CACNA2D1: variants seen among roughly 807,000 people sequenced by gnomAD.
CACNA2D1 encodes the protein voltage-dependent calcium channel subunit alpha-2/delta-1.
Under a neutral mutation model 171.5 loss-of-function variants are expected in CACNA2D1, and 53 were observed. That is an observed-to-expected ratio of 0.31 (90% CI 0.25 to 0.39). The LOEUF (loss-of-function observed/expected upper bound fraction) is 0.39. CACNA2D1 is among the 10% of genes least tolerant of loss of function. The pLI, the probability that CACNA2D1 is intolerant of heterozygous loss-of-function variation, is 1.00. For missense variants in CACNA2D1, 903 were observed against 1,299.8 expected (o/e 0.69, Z 4.69); for synonymous variants, 442 against 443.1 (o/e 1.00, Z 0.03).
At chr7:81,990,942 T>C (rs1051798535) in intron 21 of CACNA2D1, among the ~76,000 whole-genome samples, 2 of 152,202 alleles carry the variant, frequency 1.3e-5, no homozygotes, top group African/African-American at 4.8e-5. Context: ...TATGGGTATT[T>C]GTCAACATTT....
intron 10 of CACNA2D1, among the ~76,000 whole-genome samples, chr7:82,052,312 T>A (rs1805282847): frequency 6.6e-6 from 1 of 152,202 alleles, no homozygotes; most frequent in African/African-American, 2.4e-5. Flanking sequence ...ATTGTTGCTT[T>A]CCTGGACTTT....
At chr7:82,366,903 C>CTTTTTT (rs71093376) in intron 1 of CACNA2D1, among the ~76,000 whole-genome samples, 22 of 86,964 alleles carry the variant, frequency 2.5e-4, no homozygotes, top group Admixed American at 6.4e-4. Context: ...TGGTTTTGAC[C>CTTTTTT]TTTTTTTTTT....
intron 1 of CACNA2D1, among the ~76,000 whole-genome samples, chr7:82,395,030 G>A (rs765376878): frequency 4.6e-5 from 7 of 152,032 alleles, no homozygotes; most frequent in Middle Eastern, 3.2e-3. Flanking sequence ...TTTGTTAGTT[G>A]CTACTATCTC....
intron 3 of CACNA2D1, among the ~76,000 whole-genome samples, chr7:82,206,990 A>G (rs1800064065): frequency 6.6e-6 from 1 of 152,236 alleles, no homozygotes. Flanking sequence ...AAACATAGTT[A>G]TAAAATTGCA....
chr7:82,410,528 T>C, intron 1 of CACNA2D1: 2 of 985,388 alleles, frequency 2.0e-6, no homozygotes, highest in Non-Finnish European at 2.4e-6. Context: ...GGTCTGAAGG[T>C]GCACGCTACA....
At chr7:82,211,240 T>C (rs747584139) in intron 3 of CACNA2D1, among the ~76,000 whole-genome samples, 3 of 152,124 alleles carry the variant, frequency 2.0e-5, no homozygotes, top group Non-Finnish European at 4.4e-5. Flanking sequence ...CAGGGGCACA[T>C]GTGCAGGTTT....
chr7:82,120,088 A>G (rs1563077426), intron 5 of CACNA2D1, among the ~76,000 whole-genome samples: 1 of 152,126 alleles, frequency 6.6e-6, no homozygotes, highest in Non-Finnish European at 1.5e-5. Flanking sequence ...GGAGGCTGAG[A>G]CATGAGGGCC....
At chr7:82,194,248 AAG>A (rs1391439065) in intron 3 of CACNA2D1, among the ~76,000 whole-genome samples, 1 of 151,944 alleles carries the variant, frequency 6.6e-6, no homozygotes, top group Non-Finnish European at 1.5e-5. Flanking sequence ...GTTGGTAGTC[AAG>A]CTATGGCTCA....
chr7:82,137,885 C>A (rs1247460082), intron 4 of CACNA2D1, among the ~76,000 whole-genome samples: 2 of 151,784 alleles, frequency 1.3e-5, no homozygotes, highest in African/African-American at 4.8e-5. Flanking sequence ...TAAAAGCAAA[C>A]ATATAATACA....
intron 34 of CACNA2D1, 105 bp from the exon 35 acceptor site, chr7:81,962,600 A>T: frequency 1.4e-6 from 1 of 739,670 alleles, no homozygotes; most frequent in South Asian, 1.6e-5. Context: ...TTGGGAAAGA[A>T]AGTCTTGGAG....
intron 3 of CACNA2D1, among the ~76,000 whole-genome samples, chr7:82,287,521 C>T (rs954805052): frequency 6.6e-6 from 1 of 152,080 alleles, no homozygotes; most frequent in African/African-American, 2.4e-5. Context: ...TGCTTCACTG[C>T]ACTGTTTTTT....
rs369535116 is a variant in CACNA2D1 at position 82,167,168 on chromosome 7, T to C, written c.354+3382A>G. ...AGAAATATTGCACAGATGCACATTG[T>C]TAAATACCTTAAAAGATAAAAGAAT... On this transcript the variant is annotated intron_variant, in intron 4 of 38. Transcript: ENST00000356860. 5.3e-5 allele frequency among the ~76,000 whole-genome samples: 8 copies of C among 152,232 alleles called. No individual in the cohort carries two copies. The East Asian group carries it at 9.7e-4, about 18-fold the overall frequency.
chr7:82,206,778 G>A (rs1192080481), intron 3 of CACNA2D1, among the ~76,000 whole-genome samples: 3 of 151,976 alleles, frequency 2.0e-5, no homozygotes, highest in Non-Finnish European at 4.4e-5. Context: ...CAACTAACAG[G>A]ATATACAGTG....
rs552649221 is a variant in CACNA2D1 at position 82,153,343 on chromosome 7, A to G, written c.355-16667T>C. Among the ~76,000 whole-genome samples, 6 of 152,174 alleles carry G rather than the reference A, an allele frequency of 3.9e-5. No homozygotes were observed. The South Asian group carries it at 1.2e-3, about 32-fold the overall frequency. On this transcript the variant is annotated intron_variant, in intron 4 of 38. Coordinates refer to ENST00000356860, the MANE Select transcript of CACNA2D1 (RefSeq NM_000722.4). Reference sequence around the variant, plus strand: ...AGCAAACTAGTTATATATAAACAAAACAGGAAACTTGAAAGAACTAGGTGG... The same window carrying G: ...AGCAAACTAGTTATATATAAACAAAGCAGGAAACTTGAAAGAACTAGGTGG...
chr7:82,070,274 T>C (rs1398985013), intron 7 of CACNA2D1, among the ~76,000 whole-genome samples: 1 of 152,208 alleles, frequency 6.6e-6, no homozygotes, highest in African/African-American at 2.4e-5. Flanking sequence ...AGCTGGCCTT[T>C]TCAGATTTTG....
intron 12 of CACNA2D1, among the ~76,000 whole-genome samples, chr7:82,024,153 T>G (rs1364695675): frequency 1.3e-5 from 2 of 151,700 alleles, no homozygotes; most frequent in African/African-American, 4.8e-5. Flanking sequence ...TCAGTTTTTT[T>G]TTTGGATAAG....
At chr7:82,300,343 T>C (rs529543087) in intron 3 of CACNA2D1, among the ~76,000 whole-genome samples, 8 of 152,168 alleles carry the variant, frequency 5.3e-5, no homozygotes, top group Admixed American at 1.3e-4. Context: ...GAAGGACTCA[T>C]AGCCCTTAAT....
chr7:82,318,740 A>T (rs1366781680), intron 3 of CACNA2D1, among the ~76,000 whole-genome samples: 1 of 152,208 alleles, frequency 6.6e-6, no homozygotes, highest in Non-Finnish European at 1.5e-5. Flanking sequence ...ATGCCAACCT[A>T]GAACTACATG....
chr7:82,382,463 T>C (rs1408058196), intron 1 of CACNA2D1, among the ~76,000 whole-genome samples: 1 of 152,226 alleles, frequency 6.6e-6, no homozygotes, highest in South Asian at 2.1e-4. Flanking sequence ...CATTCACTTC[T>C]GACCTGCACC....
Sources: gnomAD v4.1 joint callset for allele counts (sites outside exome capture counted in the v4.1 genomes callset) on GRCh38, gnomAD v4.1.1 for gene constraint, MANE v1.5 for transcripts, NCBI Gene and HGNC (gene_info 2026-07-23, HGNC 2026-07-21) for gene names.